The following SPIN1 variants were observed in gnomAD, a reference collection of about 807,000 sequenced individuals.
SPIN1 encodes spindlin 1, also known as spindlin-1.
Under a neutral mutation model 26.0 loss-of-function variants are expected in SPIN1, and 3 were observed. The ratio of observed to expected loss-of-function variants is 0.12; its 90% confidence interval spans 0.05 to 0.30. The LOEUF is 0.30. Ranked by LOEUF, SPIN1 falls within the 10% of genes least tolerant of loss-of-function variation. The pLI, the probability that SPIN1 is intolerant of heterozygous loss-of-function variation, is 1.00. For synonymous variants in SPIN1, 101 were observed against 116.5 expected (o/e 0.87, Z 0.86); for missense variants, 126 against 333.4 (o/e 0.38, Z 4.84).
chr9:88,436,315 T>C (rs938812707), intron 2 of SPIN1, among the ~76,000 whole-genome samples: 1 of 152,136 alleles, frequency 6.6e-6, no homozygotes, highest in Non-Finnish European at 1.5e-5. Context: ...AGTTTTAGAG[T>C]TGCAAAGAGA....
At chr9:88,416,026 C>CATT (rs1376257042) in intron 1 of SPIN1, among the ~76,000 whole-genome samples, 1 of 151,736 alleles carries the variant, frequency 6.6e-6, no homozygotes. Context: ...AAAGTGCTGC[C>CATT]ATTACAGGCA....
chr9:88,438,336 C>T (rs1587798908), intron 2 of SPIN1, among the ~76,000 whole-genome samples: 1 of 152,168 alleles, frequency 6.6e-6, no homozygotes, highest in South Asian at 2.1e-4. Context: ...GTTGTTCAAT[C>T]TCCATGTATT....
intron 2 of SPIN1, among the ~76,000 whole-genome samples, chr9:88,447,319 C>G (rs973559251): frequency 6.6e-6 from 1 of 151,730 alleles, no homozygotes; most frequent in Admixed American, 6.6e-5. Flanking sequence ...ATGTCCTTAC[C>G]TGCTAAGTAC....
chr9:88,470,131 G>A (rs1257611121), intron 5 of SPIN1, among the ~76,000 whole-genome samples: 1 of 152,188 alleles, frequency 6.6e-6, no homozygotes, highest in African/African-American at 2.4e-5. Context: ...TCACGCTGTA[G>A]CATATATCAG....
At chr9:88,421,184 A>G (rs983267877) in intron 1 of SPIN1, among the ~76,000 whole-genome samples, 13 of 152,228 alleles carry the variant, frequency 8.5e-5, no homozygotes, top group African/African-American at 3.1e-4. Context: ...CAAAGAATAT[A>G]TTCTCAGGCA....
chr9:88,470,463 A>G (rs1170446798), intron 5 of SPIN1, among the ~76,000 whole-genome samples: 1 of 152,152 alleles, frequency 6.6e-6, no homozygotes, highest in Admixed American at 6.5e-5. Flanking sequence ...ATTTCTCCAC[A>G]TTCTCACCAA....
rs578043328 is a variant in SPIN1 at position 88,442,041 on chromosome 9, T to A, written c.53-6900T>A. Reference sequence around the variant, plus strand: ...ATGTCGGCTCACTGCAACCTGTGCCTCCTGGGTTCAAGCAGTTCTCCTGCC... The same window carrying A: ...ATGTCGGCTCACTGCAACCTGTGCCACCTGGGTTCAAGCAGTTCTCCTGCC... On this transcript the variant is annotated intron_variant, in intron 2 of 5. Transcript: ENST00000375859. 4.7e-5 allele frequency among the ~76,000 whole-genome samples: 7 copies of A among 149,732 alleles called. 1 individual carries two copies. The highest frequency in any genetic ancestry group is 1.7e-4 in the African/African-American group (7 of 40,288).
Position 88,409,584 on chromosome 9 carries a change from C to T in SPIN1, c.-158-16798C>T, listed in dbSNP as rs147444066. 9.4e-4 allele frequency among the ~76,000 whole-genome samples: 142 copies of T among 151,706 alleles called. 1 individual carries two copies. Among genetic ancestry groups the T allele is most frequent in the African/African-American group, 3.3e-3 (136 of 41,408 alleles). On this transcript the variant is annotated intron_variant, in intron 1 of 5. Coordinates refer to ENST00000375859, the MANE Select transcript of SPIN1 (RefSeq NM_006717.3). The stretch of plus-strand genomic sequence containing the variant: ...GGTGCGGTGGCTCATTCCTGTAATC[C>T]CAGCACTTTGGGAGGCCGAGGCGGG...
chr9:88,411,005 A>G (rs904277668), intron 1 of SPIN1: 33 of 1,558,882 alleles, frequency 2.1e-5, no homozygotes, highest in East Asian at 1.1e-4. Context: ...GTGGTCGTCA[A>G]AGGTTACAAA....
At chr9:88,429,198 A>G (rs1587792617) in intron 2 of SPIN1, among the ~76,000 whole-genome samples, 2 of 152,292 alleles carry the variant, frequency 1.3e-5, no homozygotes, top group African/African-American at 4.8e-5. Context: ...ATTCAATACA[A>G]CACAGCACCT....
chr9:88,448,371 A>G (rs771149217), intron 2 of SPIN1, among the ~76,000 whole-genome samples: 2 of 151,570 alleles, frequency 1.3e-5, no homozygotes, highest in Non-Finnish European at 2.9e-5. Context: ...TTGTTTTTTG[A>G]GACAAGGTCT....
chr9:88,448,811 C>T (rs1203889638), intron 2 of SPIN1, 130 bp from the exon 3 acceptor site: 3 of 685,454 alleles, frequency 4.4e-6, no homozygotes, highest in Non-Finnish European at 7.2e-6. Context: ...GCTTTCTTAA[C>T]ATGTTTGCTG....
chr9:88,432,180 G>GCCCCCCCCA, intron 2 of SPIN1, among the ~76,000 whole-genome samples: 1 of 15,146 alleles, frequency 6.6e-5, no homozygotes, highest in Non-Finnish European at 1.5e-4. Context: ...TGCCCGTCCC[G>GCCCCCCCCA]CCCCCCCCAC....
Position 88,462,478 on chromosome 9 carries a change from GTA to G in SPIN1, c.102-14_102-13del, listed in dbSNP as rs745801006. ...ACTTTTGAGATAATACCTTATGTGT[GTA>G]TATGTGTGAATACAGAAAACATCGG... On this transcript the variant is annotated splice_polypyrimidine_tract_variant and intron_variant, in intron 3 of 5. Transcript: ENST00000375859. 6.2e-7 allele frequency: 1 copy of G among 1,612,890 alleles called. No individual in the cohort carries two copies. The highest frequency in any genetic ancestry group is 1.3e-5 in the African/African-American group (1 of 75,042).
chr9:88,415,904 C>T (rs1035440865), intron 1 of SPIN1, among the ~76,000 whole-genome samples: 10 of 145,208 alleles, frequency 6.9e-5, no homozygotes, highest in Non-Finnish European at 1.3e-4. Flanking sequence ...CCACCATGCT[C>T]GGCTAATTTT....
chr9:88,399,174 G>A (rs1018899839), intron 1 of SPIN1, among the ~76,000 whole-genome samples: 2 of 152,086 alleles, frequency 1.3e-5, no homozygotes, highest in Non-Finnish European at 1.5e-5. Flanking sequence ...TGGGACTACA[G>A]GCGTGCGCCA....
chr9:88,413,065 G>A (rs925421400), intron 1 of SPIN1, among the ~76,000 whole-genome samples: 15 of 128,034 alleles, frequency 1.2e-4, no homozygotes, highest in Admixed American at 2.4e-4. Flanking sequence ...TTAAAATTAA[G>A]TTTTTTTTTT....
At chr9:88,404,567 T>G (rs1405505371) in intron 1 of SPIN1, among the ~76,000 whole-genome samples, 1 of 152,194 alleles carries the variant, frequency 6.6e-6, no homozygotes, top group African/African-American at 2.4e-5. Context: ...TGTAAGCCTT[T>G]TCTATTTTAA....
In SPIN1 at chr9:88,468,255, G is replaced by C. The variant is rs984964103; in HGVS notation, c.356-117G>C. On this transcript the variant is annotated intron_variant, in intron 4 of 5. Transcript: ENST00000375859. ...AAAGCTTTCCCAGATTCTGATGCTT[G>C]CTAATACGTTGCATGGACAAAATTT... The C allele has an allele frequency of 4.6e-6, 3 of 653,164 alleles. No homozygotes were observed. The African/African-American group carries it at 5.6e-5, about 12-fold the overall frequency. The allele number at this position is 653,164 out of a possible 1,614,324, so 40.5% of individuals were successfully genotyped here.
Sources: allele counts gnomAD v4.1 joint callset (sites outside exome capture counted in the v4.1 genomes callset), GRCh38; gene constraint gnomAD v4.1.1; transcripts MANE v1.5; gene names NCBI Gene and HGNC (gene_info 2026-07-23, HGNC 2026-07-21).